The following PCSK5 variants were observed in gnomAD, a reference collection of about 807,000 sequenced individuals.
The protein encoded by PCSK5 is prohormone convertase 5.
In PCSK5, 129 loss-of-function variants were observed where a neutral mutation model predicts 233.2. The ratio of observed to expected loss-of-function variants is 0.55; its 90% CI spans 0.48 to 0.64. The LOEUF is 0.64. Among genes scored for constraint, PCSK5 ranks in the 30% least tolerant of loss-of-function variants. The pLI, the probability that PCSK5 is intolerant of heterozygous loss-of-function variation, is 0.00. For missense variants in PCSK5, 2,076 were observed against 2,430.1 expected, an observed-to-expected ratio of 0.85 and a Z score of 3.06; for synonymous variants, 825 against 879.2, an observed-to-expected ratio of 0.94 and a Z score of 1.09.
Position 76,328,349 on chromosome 9 carries a change from T to C in PCSK5, c.4570+110T>C, listed in dbSNP as rs1587335920. ...CTTCTTTCTTTTTGATTTTTTGCTT[T>C]GTGTTTGGGAAATGTTCAAACCTGC... On this transcript the variant is annotated intron_variant, in intron 33 of 37. Coordinates refer to ENST00000674117, the MANE Select transcript of PCSK5 (RefSeq NM_001372043.1). 5 of 786,030 alleles carry C rather than the reference T, an allele frequency of 6.4e-6. No individual in the cohort carries two copies. The East Asian group carries it at 1.3e-4, about 20-fold the overall frequency. The allele number at this position is 786,030 out of a possible 1,614,324, so 48.7% of individuals were successfully genotyped here. A position where few individuals can be genotyped will look rare whatever the true frequency, so the allele number is the denominator to read the frequency against.
intron 3 of PCSK5, among the ~76,000 whole-genome samples, chr9:76,019,660 G>T (rs1037348747): frequency 6.6e-6 from 1 of 152,100 alleles, no homozygotes; most frequent in East Asian, 1.9e-4. Flanking sequence ...GGTATAAACT[G>T]TCTTTCATTG....
chr9:75,931,346 G>T (rs1021828969), intron 1 of PCSK5, among the ~76,000 whole-genome samples: 1 of 151,084 alleles, frequency 6.6e-6, no homozygotes, highest in Non-Finnish European at 1.5e-5. Flanking sequence ...GGGCAGAGCC[G>T]TGGATGTCCT....
At chr9:75,990,469 T>C (rs1259787673) in intron 3 of PCSK5, among the ~76,000 whole-genome samples, 1 of 152,230 alleles carries the variant, frequency 6.6e-6, no homozygotes, top group African/African-American at 2.4e-5. Context: ...ATGATAGCTG[T>C]ATAATTACTG....
At chr9:75,993,531 G>A (rs1050988650) in intron 3 of PCSK5, among the ~76,000 whole-genome samples, 1 of 151,820 alleles carries the variant, frequency 6.6e-6, no homozygotes, top group African/African-American at 2.4e-5. Flanking sequence ...GCTACCCCAT[G>A]AGATGTATAC....
At chr9:76,103,766 C>T (rs1161327440) in intron 8 of PCSK5, among the ~76,000 whole-genome samples, 2 of 152,164 alleles carry the variant, frequency 1.3e-5, no homozygotes, top group Non-Finnish European at 2.9e-5. Context: ...GTGTCCTTTC[C>T]AGTTTCCATC....
At position 76,138,203 on chromosome 9, in the gene PCSK5, A is replaced by G. The variant is rs117944969; in HGVS notation, c.1312+3991A>G. Among the ~76,000 whole-genome samples the G allele has an allele frequency of 9.4e-3, 1,435 of 152,216 alleles. 15 individuals carry two copies. Among genetic ancestry groups the G allele is most frequent in the Non-Finnish European group, 0.014 (983 of 67,990 alleles). Reference sequence around the variant, plus strand: ...TGACCTGCCCTGGTGTAACTTACATACAGAAACAGAAATTTACACTCCATC... The same window carrying G: ...TGACCTGCCCTGGTGTAACTTACATGCAGAAACAGAAATTTACACTCCATC... On this transcript the variant is annotated intron_variant, in intron 10 of 37. Transcript: ENST00000674117.
intron 24 of PCSK5, among the ~76,000 whole-genome samples, chr9:76,251,027 G>C (rs887261797): frequency 2.6e-5 from 4 of 152,214 alleles, no homozygotes; most frequent in Admixed American, 6.5e-5. Context: ...CAACACTTTG[G>C]GAGGCCAAGA....
chr9:76,055,076 G>A (rs1015558039), intron 5 of PCSK5, among the ~76,000 whole-genome samples: 3 of 151,846 alleles, frequency 2.0e-5, no homozygotes, highest in East Asian at 3.9e-4. Context: ...TTAAAATATT[G>A]TACATTATTC....
At chr9:76,130,048 A>G (rs755938690) in intron 9 of PCSK5, among the ~76,000 whole-genome samples, 14 of 152,176 alleles carry the variant, frequency 9.2e-5, no homozygotes, top group Non-Finnish European at 2.1e-4. Flanking sequence ...GTTCATAACA[A>G]TAATGGTATG....
intron 35 of PCSK5, among the ~76,000 whole-genome samples, chr9:76,340,639 C>CAAAAAAAA (rs57319222): frequency 3.1e-5 from 3 of 95,388 alleles, no homozygotes; most frequent in African/African-American, 1.3e-4. Context: ...ACGAGACTGT[C>CAAAAAAAA]AAAAAAAAAA....
intron 25 of PCSK5, among the ~76,000 whole-genome samples, chr9:76,293,661 G>T (rs1385384803): frequency 6.6e-6 from 1 of 152,144 alleles, no homozygotes; most frequent in Non-Finnish European, 1.5e-5. Context: ...TGTTGGCCAG[G>T]CTCTGTTAAA....
intron 22 of PCSK5, among the ~76,000 whole-genome samples, chr9:76,236,514 C>T (rs998549927): frequency 8.5e-5 from 13 of 152,190 alleles, no homozygotes; most frequent in Non-Finnish European, 1.5e-4. Context: ...CGTCTACATA[C>T]TATTATAATA....
chr9:76,036,089 A>G (rs1316210311), intron 5 of PCSK5, among the ~76,000 whole-genome samples: 2 of 152,162 alleles, frequency 1.3e-5, no homozygotes, highest in African/African-American at 4.8e-5. Context: ...TATTGTTTAG[A>G]TATTGGTTAC....
intron 16 of PCSK5, among the ~76,000 whole-genome samples, 158 bp downstream of exon 16, chr9:76,181,749 T>C (rs1823882212): frequency 6.6e-6 from 1 of 152,192 alleles, no homozygotes; most frequent in South Asian, 2.1e-4. Context: ...AGAAGCTTCA[T>C]GTAAAAATGC....
At chr9:76,114,135 T>C (rs563694100) in intron 9 of PCSK5, among the ~76,000 whole-genome samples, 106 of 152,198 alleles carry the variant, frequency 7.0e-4, no homozygotes, top group African/African-American at 2.3e-3. Flanking sequence ...CTGGTATGAA[T>C]GCTTGGGGTA....
chr9:76,126,171 G>GTGTGTGTA (rs201621438), intron 9 of PCSK5, among the ~76,000 whole-genome samples: 1 of 32,312 alleles, frequency 3.1e-5, no homozygotes, highest in Non-Finnish European at 7.1e-5. Flanking sequence ...TTTTTCCTGC[G>GTGTGTGTA]TGTGTGTGTA....
chr9:76,318,470 A>AAAAAAAG (rs1176880190), intron 30 of PCSK5, among the ~76,000 whole-genome samples: 3 of 151,900 alleles, frequency 2.0e-5, no homozygotes, highest in South Asian at 2.1e-4. Flanking sequence ...AAAGTATAAA[A>AAAAAAAG]AAAAAAGAAA....
chr9:76,312,391 C>T (rs1385074115), intron 30 of PCSK5, among the ~76,000 whole-genome samples: 1 of 151,954 alleles, frequency 6.6e-6, no homozygotes, highest in Non-Finnish European at 1.5e-5. Flanking sequence ...TGCCTGTAAT[C>T]CCAGCTACTC....
chr9:76,284,635 T>A (rs1587834678), intron 24 of PCSK5, among the ~76,000 whole-genome samples: 1 of 149,936 alleles, frequency 6.7e-6, no homozygotes, highest in Admixed American at 6.8e-5. Flanking sequence ...TGGGTTCAAG[T>A]GATTCTCCTG....
Sources: allele counts gnomAD v4.1 joint callset (sites outside exome capture counted in the v4.1 genomes callset), GRCh38; gene constraint gnomAD v4.1.1; transcripts MANE v1.5; gene names NCBI Gene and HGNC (gene_info 2026-07-23, HGNC 2026-07-21).